The following NRAP variants were observed in gnomAD, a reference collection of about 807,000 sequenced individuals.
NRAP encodes nebulin-related-anchoring protein.
Under a neutral mutation model 225.9 loss-of-function variants are expected in NRAP, and 189 were observed. That is an observed-to-expected ratio of 0.84 (90% confidence interval 0.74 to 0.94). The LOEUF is 0.94. Ranked by LOEUF, NRAP falls within the 40% of genes least tolerant of loss-of-function variation. The pLI is 0.00. For synonymous variants in NRAP, 769 were observed against 790.7 expected, an observed-to-expected ratio of 0.97 and a Z score of 0.46; for missense variants, 2,176 against 2,168.7, an observed-to-expected ratio of 1.00 and a Z score of -0.07.
intron 25 of NRAP, among the ~76,000 whole-genome samples, chr10:113,619,382 A>G (rs1321460449): frequency 6.6e-6 from 1 of 152,140 alleles, no homozygotes; most frequent in Non-Finnish European, 1.5e-5. Flanking sequence ...AGAATGAACA[A>G]ATTATAGCAG....
chr10:113,654,909 C>T (rs1174433942), intron 4 of NRAP, among the ~76,000 whole-genome samples: 2 of 150,980 alleles, frequency 1.3e-5, no homozygotes, highest in Non-Finnish European at 2.9e-5. Context: ...GGAATGTAGG[C>T]TGCCATGAAT....
At position 113,620,745 on chromosome 10, in the gene NRAP, A is replaced by G. The variant is rs763196942; in HGVS notation, c.2770-37T>C. On this transcript the variant is annotated intron_variant, in intron 24 of 41. Coordinates refer to ENST00000359988, the MANE Select transcript of NRAP (RefSeq NM_198060.4). ...GAAAGAAAAAAAAAAAAAGCAGGCC[A>G]TTGTTGGTGCACAGACATTTAAAGG... The G allele has an allele frequency of 3.5e-6, 5 of 1,427,272 alleles. No individual in the cohort carries two copies. The Middle Eastern group carries it at 8.0e-4, about 227-fold the overall frequency. 88.4% of individuals were successfully genotyped at this position (1,427,272 alleles called of 1,614,324 possible).
rs879055669 is a variant in NRAP, at chr10:113,610,483, C to A, written c.3579G>T (p.Lys1193Asn). The A allele has an allele frequency of 1.3e-6, 2 of 1,588,150 alleles. No homozygotes were observed. The highest frequency in any genetic ancestry group is 1.7e-6 in the Non-Finnish European group (2 of 1,156,396). ...IPGTLEIEGR[K>N]KASELISESK... is the part of the protein sequence containing the mutation. ...CCTCACTGATGAGTTCCGATGCTTT[C>A]TTCCTCCCTTCAATCTCTAACGTGC... Residue 1193 changes from lysine to asparagine, a missense_variant, in exon 31 of 42, where the codon AAG becomes AAT. Around this residue, in one of 3 missense-constraint regions of NRAP, gnomAD observed 1,708 missense variants for 1,695.5 expected, o/e 1.01. Coordinates refer to ENST00000359988, the MANE Select transcript of NRAP (RefSeq NM_198060.4).
chr10:113,652,285 A>G (rs1850025418), intron 6 of NRAP, among the ~76,000 whole-genome samples: 1 of 152,224 alleles, frequency 6.6e-6, no homozygotes, highest in African/African-American at 2.4e-5. Flanking sequence ...TCTGGCTCCA[A>G]AATCTAAGCT....
At chr10:113,590,488 G>C in intron 40 of NRAP, 90 bp downstream of exon 40, 2 of 1,317,910 alleles carry the variant, frequency 1.5e-6, no homozygotes, top group Admixed American at 3.9e-5. Flanking sequence ...AGCTCCCCCA[G>C]AAGCTAACAA....
At position 113,589,620 on chromosome 10, in the gene NRAP, C is replaced by T. The variant is rs376972937; in HGVS notation, c.5088+46G>A. The T allele has an allele frequency of 7.8e-5, 118 of 1,515,836 alleles. No homozygotes were observed. In the African/African-American group the frequency reaches 1.9e-3, roughly 24 times the overall value. The allele number at this position is 1,515,836 out of a possible 1,614,324, so 93.9% of individuals were successfully genotyped here. On this transcript the variant is annotated intron_variant, in intron 41 of 41. Transcript: ENST00000359988. ...AAAAGAAACAATGAGTTTGTCTTTCCCCATGGCCTTGCAAGCCAGGGGTGG... is the reference window on the plus strand; with the variant it reads ...AAAAGAAACAATGAGTTTGTCTTTCTCCATGGCCTTGCAAGCCAGGGGTGG...
intron 3 of NRAP, among the ~76,000 whole-genome samples, chr10:113,659,173 CTTTG>C (rs1486550589): frequency 1.3e-5 from 2 of 152,152 alleles, no homozygotes; most frequent in East Asian, 3.9e-4. Context: ...TTAAAGTGGG[CTTTG>C]TTTGTTTGTT....
At chr10:113,646,193 T>C (rs1849497060) in intron 10 of NRAP, among the ~76,000 whole-genome samples, 1 of 152,150 alleles carries the variant, frequency 6.6e-6, no homozygotes, top group South Asian at 2.1e-4. Context: ...GAAAAAAAAG[T>C]CTTAAAATAA....
rs551480199 is a variant in NRAP at position 113,643,262 on chromosome 10, C to T, written c.1111-224G>A. 3.3e-5 allele frequency among the ~76,000 whole-genome samples: 5 copies of T among 152,226 alleles called. No homozygotes were observed. The South Asian group carries it at 1.0e-3, about 32-fold the overall frequency. On this transcript the variant is annotated intron_variant, in intron 11 of 41. Transcript: ENST00000359988. ...ATTCAGAAAATTAAAAGCATATAGT[C>T]GCTTTCAAGAACAAATAATATAAGA... is the stretch of plus-strand genomic sequence containing the variant.
At chr10:113,624,409 G>T (rs1006547807) in intron 22 of NRAP, among the ~76,000 whole-genome samples, 1 of 152,120 alleles carries the variant, frequency 6.6e-6, no homozygotes, top group Non-Finnish European at 1.5e-5. Context: ...ACTAATATTG[G>T]TATCATTTTA....
intron 6 of NRAP, 65 bp from the exon 7 acceptor site, chr10:113,651,972 G>A (rs1401056575): frequency 1.0e-6 from 1 of 990,138 alleles, no homozygotes; most frequent in Non-Finnish European, 1.6e-6. Context: ...ACCTCTCCCT[G>A]TGGCTCTCCT....
Position 113,628,792 on chromosome 10 carries a change from A to G in NRAP, c.2145+125T>C, listed in dbSNP as rs148523076. ...ATGTGCTACAGGTGTGAAATGAAGT[A>G]CTCCCACTTTGAATCACAGCCAAAA... On this transcript the variant is annotated intron_variant, in intron 20 of 41. Coordinates refer to ENST00000359988, the MANE Select transcript of NRAP (RefSeq NM_198060.4). 6.6e-5 allele frequency: 41 copies of G among 620,632 alleles called. No homozygotes were observed. In the African/African-American group the frequency reaches 7.3e-4, roughly 11 times the overall value. 38.4% of individuals were successfully genotyped at this position (620,632 alleles called of 1,614,324 possible).
chr10:113,631,034 G>A (rs147224497), intron 18 of NRAP, among the ~76,000 whole-genome samples: 4 of 152,178 alleles, frequency 2.6e-5, no homozygotes, highest in South Asian at 2.1e-4. Flanking sequence ...TACAAGCATC[G>A]TCATTCCGAT....
chr10:113,637,606 T>C (rs1330253515), intron 14 of NRAP, among the ~76,000 whole-genome samples: 1 of 152,152 alleles, frequency 6.6e-6, no homozygotes, highest in East Asian at 1.9e-4. Context: ...GGCCGTGGAG[T>C]GTTTTGTTGG....
In NRAP at chr10:113,611,736, G is replaced by A. The variant is rs541969301; in HGVS notation, c.3498+498C>T. On this transcript the variant is annotated intron_variant, in intron 30 of 41. Coordinates refer to ENST00000359988, the MANE Select transcript of NRAP (RefSeq NM_198060.4). The stretch of plus-strand genomic sequence containing the variant: ...CAGATCTTAGCCCTCCTCAGAAGGC[G>A]GGTGGCACAGGAACGCATGAAGCAC... 6.7e-4 allele frequency among the ~76,000 whole-genome samples: 102 copies of A among 152,290 alleles called. 2 individuals carry two copies. In the South Asian group the frequency reaches 0.018, roughly 27 times the overall value.
intron 35 of NRAP, among the ~76,000 whole-genome samples, chr10:113,599,334 C>T (rs1254692133): frequency 6.6e-6 from 1 of 152,182 alleles, no homozygotes; most frequent in Admixed American, 6.5e-5. Context: ...GAGCAGGTTT[C>T]AAAACCCCAT....
rs967080275 is a variant in NRAP at position 113,645,913 on chromosome 10, A to G, written c.1022T>C (p.Met341Thr). ...CGAGTGATAATGTGCAGCGCCTTTC[A>G]TCTTATTGAAGTCCTGCCTGTATTT... ...DIKYRQDFNK[M>T]KGAAHYHSLP... Residue 341 changes from methionine to threonine, a missense_variant, in exon 11 of 42, where the codon ATG becomes ACG. Physicochemically the swap from Met to Thr is moderately conservative, Grantham distance 81. Around this residue, in one of 3 missense-constraint regions of NRAP, gnomAD observed 1,708 missense variants for 1,695.5 expected, o/e 1.01. Coordinates refer to ENST00000359988, the MANE Select transcript of NRAP (RefSeq NM_198060.4). 6.3e-7 allele frequency: 1 copy of G among 1,594,014 alleles called. No individual in the cohort carries two copies. The highest frequency in any genetic ancestry group is 8.6e-7 in the Non-Finnish European group (1 of 1,169,288).
At chr10:113,627,255 C>T (rs1848339314) in intron 20 of NRAP, among the ~76,000 whole-genome samples, 1 of 152,204 alleles carries the variant, frequency 6.6e-6, no homozygotes, top group East Asian at 1.9e-4. Flanking sequence ...CATTACCCCG[C>T]CATTGTTGGA....
chr10:113,651,284 T>G (rs1849949553), intron 7 of NRAP, among the ~76,000 whole-genome samples: 1 of 152,204 alleles, frequency 6.6e-6, no homozygotes, highest in African/African-American at 2.4e-5. Context: ...TGAGGGATCT[T>G]AAGTGCAAAC....
Sources: gnomAD v4.1 joint callset for allele counts (sites outside exome capture counted in the v4.1 genomes callset) on GRCh38, gnomAD v4.1.1 for gene constraint, gnomAD v4.1.1 regional missense constraint, MANE v1.5 for transcripts, NCBI Gene and HGNC (gene_info 2026-07-23, HGNC 2026-07-21) for gene names.